Variants in OPTN observed in about 807,000 individuals in gnomAD.
OPTN encodes the protein optineurin, also known as E3-14.7K-interacting protein.
A neutral mutation model predicts 70.4 loss-of-function variants in OPTN; 54 were observed. That is an observed-to-expected ratio of 0.77 (90% CI 0.62 to 0.96). The LOEUF (loss-of-function observed/expected upper bound fraction) is 0.96. Among genes scored for constraint, OPTN ranks in the 40% least tolerant of loss-of-function variants. OPTN has a pLI of 0.00. For missense variants in OPTN, 624 were observed against 673.2 expected (o/e 0.93, Z 0.81); for synonymous variants, 256 against 248.5 (o/e 1.03, Z -0.28).
intron 13 of OPTN, among the ~76,000 whole-genome samples, 200 bp from the exon 14 acceptor site, chr10:13,133,302 A>AT (rs1234456398): frequency 2.6e-5 from 4 of 151,782 alleles, no homozygotes; most frequent in East Asian, 1.9e-4. Flanking sequence ...TTATTTCCTG[A>AT]TTTTTTTTAA....
Position 13,137,388 on chromosome 10 carries a change from A to G in OPTN, c.*522A>G, listed in dbSNP as rs186641822. On this transcript the variant is annotated 3_prime_UTR_variant, in exon 15 of 15. Coordinates refer to ENST00000378747, the MANE Select transcript of OPTN (RefSeq NM_001008212.2). ...GAGTTCCATCAACTCGCAAAGTAGAATCCTTACCTACTACTCTTCTGATAA... is the reference window on the plus strand; with the variant it reads ...GAGTTCCATCAACTCGCAAAGTAGAGTCCTTACCTACTACTCTTCTGATAA... 602 of 242,096 alleles carry G rather than the reference A, an allele frequency of 2.5e-3. 3 individuals carry two copies. Among genetic ancestry groups the G allele is most frequent in the African/African-American group, 0.012 (553 of 45,238 alleles). The allele number at this position is 242,096 out of a possible 1,614,324, so 15.0% of individuals were successfully genotyped here.
At chr10:13,122,341 A>C in intron 7 of OPTN, 44 bp from the exon 8 acceptor site, 2 of 1,345,632 alleles carry the variant, frequency 1.5e-6, no homozygotes, top group Non-Finnish European at 2.1e-6. Flanking sequence ...ATTTCTCTTA[A>C]AGCCAAAGAG....
Position 13,136,836 on chromosome 10 carries a change from A to C in OPTN, c.1704A>C (p.Leu568Phe). ...CGEVLPDIDT[L>F]QIHVMDCII is the part of the protein sequence containing the mutation. Reference sequence around the variant, plus strand: ...AGGTTCTGCCTGACATAGACACGTTACAGATTCACGTGATGGATTGCATCA... The same window carrying C: ...AGGTTCTGCCTGACATAGACACGTTCCAGATTCACGTGATGGATTGCATCA... Residue 568 changes from leucine to phenylalanine, a missense_variant, in exon 15 of 15, where the codon TTA becomes TTC. Physicochemically the swap from Leu to Phe is conservative, Grantham distance 22. Transcript: ENST00000378747. The C allele has an allele frequency of 3.1e-6, 5 of 1,614,210 alleles. No homozygotes were observed. Among genetic ancestry groups the C allele is most frequent in the Non-Finnish European group, 4.2e-6 (5 of 1,180,038 alleles).
At chr10:13,108,910 G>GCGCA (rs111744244) in intron 2 of OPTN, 10,548 of 589,722 alleles carry the variant, frequency 0.018, 193 homozygotes, top group East Asian at 0.074. Flanking sequence ...ACATGCGCGT[G>GCGCA]CACACACACA....
rs987404695 is a variant in OPTN, at chr10:13,111,493, T to A, written c.370-960T>A. ...TGGGCAGATCACCTGAGGTGAGGAG[T>A]TCGAGACCAGCCTGGCCAACATGGC... On this transcript the variant is annotated intron_variant, in intron 4 of 14. Transcript: ENST00000378747. 7.3e-5 allele frequency among the ~76,000 whole-genome samples: 11 copies of A among 151,532 alleles called. No homozygotes were observed. The East Asian group carries it at 7.8e-4, about 11-fold the overall frequency.
chr10:13,133,248 T>C (rs1345705948), intron 13 of OPTN, among the ~76,000 whole-genome samples: 1 of 152,258 alleles, frequency 6.6e-6, no homozygotes, highest in Non-Finnish European at 1.5e-5. Flanking sequence ...GATTTATAAA[T>C]ATGCCACTTC....
At chr10:13,114,814 T>TTATATAATTATATAATTATATATACGTA (rs1554768965) in intron 5 of OPTN, among the ~76,000 whole-genome samples, 6 of 66,696 alleles carry the variant, frequency 9.0e-5, no homozygotes, top group Admixed American at 2.7e-4. Context: ...ATATATATAA[T>TTATATAATTATATAATTATATATACGTA]TATATAATTA....
intron 7 of OPTN, among the ~76,000 whole-genome samples, chr10:13,120,621 G>GTGGTC (rs1467014467): frequency 1.3e-5 from 2 of 151,612 alleles, no homozygotes; most frequent in Non-Finnish European, 2.9e-5. Context: ...ATTTAAGCCT[G>GTGGTC]TGGTCCATTT....
chr10:13,109,332 G>A (rs200030853), intron 3 of OPTN, 44 bp downstream of exon 3: 9 of 1,599,702 alleles, frequency 5.6e-6, no homozygotes, highest in Non-Finnish European at 7.7e-6. Flanking sequence ...TCCTGGGCCT[G>A]CAAGAAATGC....
rs114688663 is a variant in OPTN at position 13,125,254 on chromosome 10, G to T, written c.999-164G>T. Among the ~76,000 whole-genome samples the T allele has an allele frequency of 1.5e-3, 235 of 152,254 alleles. 1 individual carries two copies. The highest frequency in any genetic ancestry group is 4.1e-3 in the Admixed American group (62 of 15,296). ...TTAGGCGTAAGGGTTCAGAAATATG[G>T]CCAGGTCTAGTGAAGAAGCAAGGAG... On this transcript the variant is annotated intron_variant, in intron 9 of 14. Coordinates refer to ENST00000378747, the MANE Select transcript of OPTN (RefSeq NM_001008212.2).
chr10:13,117,705 C>A (rs948691730), intron 6 of OPTN, among the ~76,000 whole-genome samples: 2 of 152,172 alleles, frequency 1.3e-5, no homozygotes, highest in Middle Eastern at 3.4e-3. Context: ...TCTCAGCCTC[C>A]CAAAGCGCTG....
chr10:13,102,921 C>T (rs924664482), intron 1 of OPTN, among the ~76,000 whole-genome samples: 21 of 149,316 alleles, frequency 1.4e-4, no homozygotes, highest in Admixed American at 5.4e-4. Context: ...CTAGCCTGGG[C>T]GACAGAGTGA....
chr10:13,120,703 CTA>C (rs1378676581), intron 7 of OPTN, among the ~76,000 whole-genome samples: 4 of 152,008 alleles, frequency 2.6e-5, no homozygotes, highest in Non-Finnish European at 4.4e-5. Flanking sequence ...TTTCATTGAT[CTA>C]TGTTTGTCCT....
At position 13,116,333 on chromosome 10, in the gene OPTN, A is replaced by G. The variant is rs750995656; in HGVS notation, c.619A>G (p.Thr207Ala). The G allele has an allele frequency of 6.2e-6, 10 of 1,612,168 alleles. No individual in the cohort carries two copies. The African/African-American group carries it at 1.3e-4, about 22-fold the overall frequency. ...HSPGPTRTVS[T>A]GTALSKYRSR... The stretch of plus-strand genomic sequence containing the variant: ...TCCTGGGCCCACGAGAACAGTCTCC[A>G]CTGGCACGTATGTGAAGGAAGACTC... The change falls in exon 6 of 15, where the codon ACT becomes GCT. Residue 207 changes from threonine (T) to alanine (A), a missense_variant. Coordinates refer to ENST00000378747, the MANE Select transcript of OPTN (RefSeq NM_001008212.2).
chr10:13,124,331 T>G (rs1052776968), intron 9 of OPTN, among the ~76,000 whole-genome samples: 15 of 152,178 alleles, frequency 9.9e-5, no homozygotes, highest in African/African-American at 2.9e-4. Context: ...ATTCTGCCAT[T>G]TAGGGGCATT....
chr10:13,127,979 T>A, intron 12 of OPTN, 76 bp downstream of exon 12: 2 of 1,494,332 alleles, frequency 1.3e-6, no homozygotes, highest in South Asian at 2.3e-5. Flanking sequence ...CAATGGTGTT[T>A]AGAATGTTTG....
intron 11 of OPTN, among the ~76,000 whole-genome samples, chr10:13,126,481 C>T (rs1027119722): frequency 2.0e-5 from 3 of 151,912 alleles, no homozygotes; most frequent in Admixed American, 6.5e-5. Flanking sequence ...GGGGTTTCAC[C>T]TTGTTAGCCA....
At chr10:13,104,868 G>C (rs1415502593) in intron 1 of OPTN, 2 of 332,724 alleles carry the variant, frequency 6.0e-6, no homozygotes, top group African/African-American at 4.4e-5. Context: ...GCATGGGGGT[G>C]ACCAGGGGCC....
intron 1 of OPTN, among the ~76,000 whole-genome samples, chr10:13,100,829 T>C (rs1330733255): frequency 1.3e-5 from 2 of 152,278 alleles, no homozygotes; most frequent in East Asian, 3.9e-4. Context: ...GAATTGTTTT[T>C]GCCATCGAAA....
Sources: allele counts gnomAD v4.1 joint callset (sites outside exome capture counted in the v4.1 genomes callset), GRCh38; gene constraint gnomAD v4.1.1; transcripts MANE v1.5; gene names NCBI Gene and HGNC (gene_info 2026-07-23, HGNC 2026-07-21).